ALMS1: variants seen among roughly 807,000 people sequenced by gnomAD.
ALMS1 encodes ALMS1 centrosome and basal body associated protein, also known as centrosome-associated protein ALMS1.
Under a neutral mutation model 352.2 loss-of-function variants are expected in ALMS1, and 271 were observed. The ratio of observed to expected loss-of-function variants is 0.77; its 90% CI spans 0.70 to 0.85. ALMS1 has a LOEUF of 0.85. Among genes scored for constraint, ALMS1 ranks in the 40% least tolerant of loss-of-function variants. ALMS1 has a pLI of 0.00. For missense variants in ALMS1, 5,445 were observed against 4,870.7 expected (o/e 1.12, Z -3.51); for synonymous variants, 1,865 against 1,761.2 (o/e 1.06, Z -1.48).
At chr2:73,493,765 G>A (rs1045786949) in intron 10 of ALMS1, among the ~76,000 whole-genome samples, 5 of 152,094 alleles carry the variant, frequency 3.3e-5, no homozygotes, top group African/African-American at 1.2e-4. Context: ...TATTTATAAA[G>A]TATATGTGTA....
In ALMS1 at chr2:73,573,340, G is replaced by A. The variant is rs750087396; in HGVS notation, c.11463G>A (p.Glu3821=). 3.0e-5 allele frequency: 48 copies of A among 1,613,984 alleles called. No homozygotes were observed. In the Admixed American group the frequency reaches 7.8e-4, roughly 26 times the overall value. ...CCAACCAACAGAGGAGATACCTTGAGAAGCGGAGCAAACACAGCAAGAAAG... is the reference window on the plus strand; with the variant it reads ...CCAACCAACAGAGGAGATACCTTGAAAAGCGGAGCAAACACAGCAAGAAAG... ...SITNQQRRYL[E]KRSKHSKKVL... Residue 3821 remains glutamate (E), a synonymous_variant, in exon 16 of 23, where the codon GAG becomes GAA. Transcript: ENST00000613296.
chr2:73,595,388 A>G (rs1015175519), intron 16 of ALMS1, among the ~76,000 whole-genome samples: 4 of 152,326 alleles, frequency 2.6e-5, no homozygotes, highest in Non-Finnish European at 5.9e-5. Flanking sequence ...GATTTTATGT[A>G]TATAGCATCA....
chr2:73,549,171 C>T (rs1558690245), intron 12 of ALMS1, among the ~76,000 whole-genome samples: 1 of 152,086 alleles, frequency 6.6e-6, no homozygotes, highest in Non-Finnish European at 1.5e-5. Flanking sequence ...TTTATATGTC[C>T]AGAAATGTTC....
chr2:73,400,341 T>G (rs938265040), intron 1 of ALMS1, among the ~76,000 whole-genome samples: 3 of 152,238 alleles, frequency 2.0e-5, no homozygotes, highest in Non-Finnish European at 4.4e-5. Context: ...AAATTTGATT[T>G]GCTAATATTT....
Position 73,452,973 on chromosome 2 carries a change from A to G in ALMS1, c.6446A>G (p.Asp2149Gly), listed in dbSNP as rs1671980346. 5 of 1,612,312 alleles carry G rather than the reference A, an allele frequency of 3.1e-6. No homozygotes were observed. The highest frequency in any genetic ancestry group is 4.2e-6 in the Non-Finnish European group (5 of 1,179,208). ...PSSFSHREKP[D>G]IFYQKDLPDR... is the part of the protein sequence containing the mutation. ...TCCTTTTCACATCGAGAGAAACCAG[A>G]TATTTTCTATCAAAAGGATTTGCCA... The change falls in exon 8 of 23, where the codon GAT becomes GGT. Residue 2149 changes from aspartate (D) to glycine (G), a missense_variant. Coordinates refer to ENST00000613296, the MANE Select transcript of ALMS1 (RefSeq NM_001378454.1).
At chr2:73,597,618 T>C (rs1675578410) in intron 16 of ALMS1, among the ~76,000 whole-genome samples, 1 of 152,228 alleles carries the variant, frequency 6.6e-6, no homozygotes, top group Non-Finnish European at 1.5e-5. Context: ...ATCAGTGTTT[T>C]ATATTTTACC....
At chr2:73,532,407 C>T (rs1673933070) in intron 11 of ALMS1, among the ~76,000 whole-genome samples, 1 of 152,094 alleles carries the variant, frequency 6.6e-6, no homozygotes, top group Non-Finnish European at 1.5e-5. Flanking sequence ...AACCTTAGTG[C>T]TTTATTCTGC....
intron 9 of ALMS1, among the ~76,000 whole-genome samples, chr2:73,460,322 C>T (rs1193467630): frequency 6.6e-6 from 1 of 152,024 alleles, no homozygotes; most frequent in African/African-American, 2.4e-5. Flanking sequence ...TAGGATGATA[C>T]CTTCAGTGTG....
intron 8 of ALMS1, 165 bp downstream of exon 8, chr2:73,454,232 T>G: frequency 3.1e-6 from 3 of 968,650 alleles, no homozygotes; most frequent in Non-Finnish European, 3.7e-6. Context: ...AATAGAATTG[T>G]TAGAATGACT....
At chr2:73,393,680 TAA>T (rs1163090903) in intron 1 of ALMS1, among the ~76,000 whole-genome samples, 3 of 152,364 alleles carry the variant, frequency 2.0e-5, no homozygotes, top group African/African-American at 7.2e-5. Context: ...CACCATTTGT[TAA>T]AGAGGCTGTT....
chr2:73,607,646 T>C (rs1022933911), intron 21 of ALMS1, among the ~76,000 whole-genome samples: 2 of 151,894 alleles, frequency 1.3e-5, no homozygotes, highest in African/African-American at 4.8e-5. Context: ...TTTTTTATTA[T>C]TATTATTATT....
intron 11 of ALMS1, among the ~76,000 whole-genome samples, chr2:73,520,997 C>T (rs779799500): frequency 2.6e-5 from 4 of 152,002 alleles, no homozygotes; most frequent in Admixed American, 1.3e-4. Flanking sequence ...AAAACTTGTC[C>T]ACCTACACAC....
At chr2:73,430,633 G>T (rs975868923) in intron 6 of ALMS1, among the ~76,000 whole-genome samples, 1 of 152,184 alleles carries the variant, frequency 6.6e-6, no homozygotes, top group African/African-American at 2.4e-5. Flanking sequence ...TATTTTTACT[G>T]TACCTTTCCT....
chr2:73,448,661 C>G lies in ALMS1; in HGVS notation c.2134C>G (p.Leu712Val), dbSNP rs371524359. ...CCAGAAGACTGGGACAGCAACAGTA[C>G]TCTCTACTCCCCACTCACATAGAGA... ...ADQKTGTATV[L>V]STPHSHREKP... is the part of the protein sequence containing the mutation. Residue 712 changes from leucine to valine, a missense_variant, in exon 8 of 23, where the codon CTC becomes GTC. Physicochemically the swap from Leu to Val is conservative, Grantham distance 32. Coordinates refer to ENST00000613296, the MANE Select transcript of ALMS1 (RefSeq NM_001378454.1). The G allele has an allele frequency of 6.2e-5, 100 of 1,612,780 alleles. No homozygotes were observed. Among genetic ancestry groups the G allele is most frequent in the Non-Finnish European group, 8.0e-5 (94 of 1,179,628 alleles).
chr2:73,606,336 T>C (rs554287986), intron 21 of ALMS1, among the ~76,000 whole-genome samples: 1 of 152,312 alleles, frequency 6.6e-6, no homozygotes, highest in South Asian at 2.1e-4. Flanking sequence ...GTCTAAAATA[T>C]TTTTGAACCA....
intron 16 of ALMS1, among the ~76,000 whole-genome samples, chr2:73,585,199 C>G (rs1265551945): frequency 6.6e-6 from 1 of 152,108 alleles, no homozygotes; most frequent in Non-Finnish European, 1.5e-5. Context: ...TAAGGGATCT[C>G]CATACTGTTT....
chr2:73,455,323 A>G (rs1672037452), intron 9 of ALMS1, 28 bp downstream of exon 9: 1 of 1,612,720 alleles, frequency 6.2e-7, no homozygotes, highest in African/African-American at 1.3e-5. Flanking sequence ...AAATGAAGAA[A>G]GTAAATATGA....
chr2:73,444,756 G>A (rs1011667302), intron 7 of ALMS1, among the ~76,000 whole-genome samples: 1 of 152,150 alleles, frequency 6.6e-6, no homozygotes. Context: ...CGTCCACTGT[G>A]GTAATAAGGG....
chr2:73,511,192 G>T (rs1018956656), intron 10 of ALMS1, among the ~76,000 whole-genome samples: 2 of 151,884 alleles, frequency 1.3e-5, no homozygotes, highest in Non-Finnish European at 2.9e-5. Context: ...CCAGAGGAGT[G>T]AACGGTTCTG....
Sources: gnomAD v4.1 joint callset for allele counts (sites outside exome capture counted in the v4.1 genomes callset) on GRCh38, gnomAD v4.1.1 for gene constraint, MANE v1.5 for transcripts, NCBI Gene and HGNC (gene_info 2026-07-23, HGNC 2026-07-21) for gene names.